Variants in GSK3B observed in about 807,000 individuals in gnomAD.
GSK3B encodes glycogen synthase kinase 3 beta.
A neutral mutation model predicts 56.4 loss-of-function variants in GSK3B; 15 were observed. The ratio of observed to expected loss-of-function variants is 0.27; its 90% confidence interval spans 0.18 to 0.41. The LOEUF (loss-of-function observed/expected upper bound fraction) is 0.41, where lower values mean the gene tolerates loss of function less well. GSK3B is among the 10% of genes least tolerant of loss of function. The pLI, the probability that GSK3B is intolerant of heterozygous loss-of-function variation, is 1.00. For missense variants in GSK3B, 300 were observed against 513.4 expected, an observed-to-expected ratio of 0.58 and a Z score of 4.02; for synonymous variants, 181 against 188.9, an observed-to-expected ratio of 0.96 and a Z score of 0.34.
At chr3:120,076,813 C>CAAAAAAAAA (rs202058386) in intron 1 of GSK3B, among the ~76,000 whole-genome samples, 4 of 45,588 alleles carry the variant, frequency 8.8e-5, no homozygotes, top group Admixed American at 3.4e-4. Flanking sequence ...AACTCCGTCT[C>CAAAAAAAAA]AAAAAAAAAA....
chr3:120,015,126 T>C (rs971631954), intron 1 of GSK3B, among the ~76,000 whole-genome samples: 2 of 152,224 alleles, frequency 1.3e-5, no homozygotes, highest in Non-Finnish European at 2.9e-5. Flanking sequence ...TTGTGACACT[T>C]GAATAGCACA....
intron 1 of GSK3B, among the ~76,000 whole-genome samples, chr3:120,050,891 T>C (rs2058142865): frequency 6.6e-6 from 1 of 152,092 alleles, no homozygotes. Context: ...TATGAACAAA[T>C]GGCTGAGGTC....
intron 8 of GSK3B, among the ~76,000 whole-genome samples, chr3:119,875,956 G>A (rs145322860): frequency 6.6e-6 from 1 of 152,024 alleles, no homozygotes; most frequent in East Asian, 1.9e-4. Context: ...TTTCCAAAAT[G>A]CCAGTAGGAA....
chr3:119,879,756 T>A (rs1220341359), intron 7 of GSK3B, among the ~76,000 whole-genome samples: 1 of 152,180 alleles, frequency 6.6e-6, no homozygotes, highest in East Asian at 1.9e-4. Context: ...TTTGTCTGTG[T>A]CTGGCTTAAC....
intron 3 of GSK3B, among the ~76,000 whole-genome samples, chr3:119,929,523 T>C (rs1316491480): frequency 6.6e-6 from 1 of 152,024 alleles, no homozygotes; most frequent in African/African-American, 2.4e-5. Flanking sequence ...ATCCCAGCAC[T>C]GTAGGAGGCC....
rs201086798 is a variant in GSK3B, at chr3:120,093,373, G to A, written c.62C>T (p.Ser21Leu). ...AESCKPVQQP[S>L]AFGSMKVSRD... ...GCTAACTTTCATGCTGCCAAAAGCTGAAGGCTGCTGCACCGGCTTGCAGCT... is the reference window on the plus strand; with the variant it reads ...GCTAACTTTCATGCTGCCAAAAGCTAAAGGCTGCTGCACCGGCTTGCAGCT... The change falls in exon 1 of 11, where the codon TCA becomes TTA. Residue 21 changes from serine to leucine, a missense_variant. Ser to Leu is a moderately radical substitution (Grantham distance 145). Around this residue, in one of 6 missense-constraint regions of GSK3B, gnomAD observed 53 missense variants for 64.6 expected, o/e 0.82. Transcript: ENST00000264235. 1 of 1,613,564 alleles carries A rather than the reference G, an allele frequency of 6.2e-7. No individual in the cohort carries two copies. Among genetic ancestry groups the A allele is most frequent in the African/African-American group, 1.3e-5 (1 of 75,046 alleles).
At chr3:119,984,241 ACAAGATAAAG>A (rs1182754972) in intron 2 of GSK3B, among the ~76,000 whole-genome samples, 1 of 152,216 alleles carries the variant, frequency 6.6e-6, no homozygotes, top group Non-Finnish European at 1.5e-5. Flanking sequence ...CTAAATGGCC[ACAAGATAAAG>A]CAGCAAAGAT....
chr3:120,093,500 G>A lies in GSK3B; in HGVS notation c.-66C>T. On this transcript the variant is annotated 5_prime_UTR_variant, in exon 1 of 11. Transcript: ENST00000264235. ...TTTTCTTCCTTTTGTCTTTATGTTG[G>A]GGTGTTAGGTTAACGATAAATGCAG... 2 of 1,039,890 alleles carry A rather than the reference G, an allele frequency of 1.9e-6. No individual in the cohort carries two copies. Among genetic ancestry groups the A allele is most frequent in the Non-Finnish European group, 3.0e-6 (2 of 661,862 alleles). 64.4% of individuals were successfully genotyped at this position (1,039,890 alleles called of 1,614,324 possible).
At position 119,996,269 on chromosome 3, in the gene GSK3B, T is replaced by C. The variant is rs888461894; in HGVS notation, c.282+5777A>G. 9.9e-5 allele frequency among the ~76,000 whole-genome samples: 15 copies of C among 152,218 alleles called. 1 individual carries two copies. ...ATTCTTAAACCACTGTCTGTACATCTTCTCCATCAAAACATGAAAAAAGGA... is the reference window on the plus strand; with the variant it reads ...ATTCTTAAACCACTGTCTGTACATCCTCTCCATCAAAACATGAAAAAAGGA... On this transcript the variant is annotated intron_variant, in intron 2 of 10. Transcript: ENST00000264235.
intron 1 of GSK3B, among the ~76,000 whole-genome samples, chr3:120,024,279 T>C (rs2057905026): frequency 6.6e-6 from 1 of 152,054 alleles, no homozygotes; most frequent in African/African-American, 2.4e-5. Flanking sequence ...AAGGCCACAG[T>C]GAGCCATGTA....
intron 1 of GSK3B, among the ~76,000 whole-genome samples, chr3:120,083,869 G>A (rs745340421): frequency 6.6e-6 from 1 of 152,154 alleles, no homozygotes; most frequent in Non-Finnish European, 1.5e-5. Context: ...AAAGAAAACA[G>A]TCATAAATGG....
chr3:119,980,644 G>A (rs111376254), intron 2 of GSK3B, among the ~76,000 whole-genome samples: 1,856 of 152,230 alleles, frequency 0.012, 34 homozygotes, highest in African/African-American at 0.042. Context: ...GTGAGACACC[G>A]CACCCAGCCT....
At chr3:119,945,532 A>G (rs547446826) in intron 3 of GSK3B, among the ~76,000 whole-genome samples, 1 of 152,304 alleles carries the variant, frequency 6.6e-6, no homozygotes, top group African/African-American at 2.4e-5. Context: ...CCAATGCAGG[A>G]TTAAGTCAGG....
At chr3:120,058,369 T>C (rs1171804417) in intron 1 of GSK3B, among the ~76,000 whole-genome samples, 1 of 152,190 alleles carries the variant, frequency 6.6e-6, no homozygotes, top group Non-Finnish European at 1.5e-5. Context: ...CAAAATCTGT[T>C]GTGTATTTTA....
chr3:119,948,682 T>C (rs2057124869), intron 2 of GSK3B, among the ~76,000 whole-genome samples: 1 of 152,094 alleles, frequency 6.6e-6, no homozygotes, highest in Non-Finnish European at 1.5e-5. Flanking sequence ...TTTCTGGAAG[T>C]ATTTCTATAC....
At chr3:119,928,675 G>A (rs1480253076) in intron 3 of GSK3B, among the ~76,000 whole-genome samples, 3 of 147,416 alleles carry the variant, frequency 2.0e-5, no homozygotes, top group African/African-American at 5.0e-5. Context: ...AGAAAATCAG[G>A]AGAAGGAAGA....
chr3:119,827,389 A>T (rs532082673), intron 10 of GSK3B, among the ~76,000 whole-genome samples: 5 of 152,278 alleles, frequency 3.3e-5, no homozygotes, highest in African/African-American at 1.2e-4. Flanking sequence ...GTACCAATTC[A>T]CTTAGTCAAT....
Position 120,093,537 on chromosome 3 carries a change from C to G in GSK3B, c.-103G>C. On this transcript the variant is annotated 5_prime_UTR_variant, in exon 1 of 11. Transcript: ENST00000264235. ...AACGATAAATGCAGCATTAAGTTCT[C>G]CCACAGAAGAAAAAGAAAAAGACTT... 1 of 734,434 alleles carries G rather than the reference C, an allele frequency of 1.4e-6. No individual in the cohort carries two copies. The highest frequency in any genetic ancestry group is 2.4e-6 in the Non-Finnish European group (1 of 418,840). The allele number at this position is 734,434 out of a possible 1,614,324, so 45.5% of individuals were successfully genotyped here.
chr3:120,023,243 G>A (rs2057894379), intron 1 of GSK3B, among the ~76,000 whole-genome samples: 1 of 151,354 alleles, frequency 6.6e-6, no homozygotes, highest in Admixed American at 6.6e-5. Context: ...ACTTTAAAAG[G>A]GTTTGATGTG....
Sources: gnomAD v4.1 joint callset for allele counts (sites outside exome capture counted in the v4.1 genomes callset) on GRCh38, gnomAD v4.1.1 for gene constraint, gnomAD v4.1.1 regional missense constraint, MANE v1.5 for transcripts, NCBI Gene and HGNC (gene_info 2026-07-23, HGNC 2026-07-21) for gene names.